TMEM163: variants seen among roughly 807,000 people sequenced by gnomAD.
TMEM163 encodes the protein transmembrane protein 163.
Under a neutral mutation model 29.3 loss-of-function variants are expected in TMEM163, and 17 were observed. The observed-to-expected ratio is 0.58, with a 90% CI of 0.40 to 0.87. TMEM163 has a LOEUF of 0.87. Ranked by LOEUF, TMEM163 falls within the 40% of genes least tolerant of loss-of-function variation. The pLI, the probability that TMEM163 is intolerant of heterozygous loss-of-function variation, is 0.00. For synonymous variants in TMEM163, 157 were observed against 160.6 expected (o/e 0.98, Z 0.17); for missense variants, 303 against 381.5 (o/e 0.79, Z 1.71).
At chr2:134,465,813 A>G (rs938499812) in intron 6 of TMEM163, among the ~76,000 whole-genome samples, 1 of 152,220 alleles carries the variant, frequency 6.6e-6, no homozygotes, top group African/African-American at 2.4e-5. Context: ...ATAAAACCCA[A>G]GACTCCAGGA....
chr2:134,478,810 G>T (rs1389146094), intron 5 of TMEM163, among the ~76,000 whole-genome samples: 12 of 152,128 alleles, frequency 7.9e-5, no homozygotes, highest in African/African-American at 2.9e-4. Flanking sequence ...GGGGAAAAAG[G>T]CCTTGAAGGC....
At chr2:134,528,213 T>G (rs1680338020) in intron 4 of TMEM163, among the ~76,000 whole-genome samples, 1 of 152,222 alleles carries the variant, frequency 6.6e-6, no homozygotes, top group Non-Finnish European at 1.5e-5. Flanking sequence ...ATTCTAGAAG[T>G]TGGGAAATGG....
At chr2:134,560,864 A>T (rs1024250422) in intron 2 of TMEM163, among the ~76,000 whole-genome samples, 1 of 152,218 alleles carries the variant, frequency 6.6e-6, no homozygotes, top group African/African-American at 2.4e-5. Flanking sequence ...GGACATGGGC[A>T]GGATGCCTGC....
At chr2:134,679,295 C>T (rs1684182341) in intron 2 of TMEM163, among the ~76,000 whole-genome samples, 1 of 152,240 alleles carries the variant, frequency 6.6e-6, no homozygotes, top group Admixed American at 6.5e-5. Context: ...GTGTACATGA[C>T]TATACATATA....
intron 5 of TMEM163, among the ~76,000 whole-genome samples, chr2:134,486,053 A>G (rs1203545181): frequency 6.6e-6 from 1 of 152,170 alleles, no homozygotes; most frequent in Admixed American, 6.5e-5. Context: ...CATCAGAGGT[A>G]CTCACATGGC....
intron 5 of TMEM163, among the ~76,000 whole-genome samples, chr2:134,501,695 T>C (rs905523447): frequency 6.6e-6 from 1 of 152,168 alleles, no homozygotes; most frequent in African/African-American, 2.4e-5. Flanking sequence ...GAGAGTCCCA[T>C]ATGCCAGGCA....
At chr2:134,515,784 G>T (rs571706537) in intron 4 of TMEM163, among the ~76,000 whole-genome samples, 7 of 152,206 alleles carry the variant, frequency 4.6e-5, no homozygotes, top group African/African-American at 1.7e-4. Flanking sequence ...TTTTTGGAAG[G>T]AAACACACAC....
chr2:134,544,293 T>C (rs1334292519), intron 4 of TMEM163, among the ~76,000 whole-genome samples: 2 of 152,096 alleles, frequency 1.3e-5, no homozygotes, highest in Non-Finnish European at 2.9e-5. Flanking sequence ...TACACTTATT[T>C]CTCCCCACGC....
chr2:134,652,213 T>C (rs1683496901), intron 2 of TMEM163, among the ~76,000 whole-genome samples: 2 of 84,904 alleles, frequency 2.4e-5, no homozygotes, highest in African/African-American at 5.7e-5. Flanking sequence ...TATCCTCTTT[T>C]ATTTCCTTGA....
intron 2 of TMEM163, among the ~76,000 whole-genome samples, chr2:134,637,344 G>A (rs1022579884): frequency 2.0e-5 from 3 of 152,232 alleles, no homozygotes; most frequent in Non-Finnish European, 4.4e-5. Context: ...ACATGAGTGA[G>A]TGTGGGTGTG....
intron 2 of TMEM163, among the ~76,000 whole-genome samples, chr2:134,575,920 C>T (rs1019624856): frequency 6.6e-6 from 1 of 152,096 alleles, no homozygotes; most frequent in South Asian, 2.1e-4. Flanking sequence ...CCCAACCACA[C>T]AGAGGTGAGC....
At chr2:134,598,158 T>C (rs1016671636) in intron 2 of TMEM163, among the ~76,000 whole-genome samples, 3 of 152,190 alleles carry the variant, frequency 2.0e-5, no homozygotes, top group African/African-American at 7.2e-5. Flanking sequence ...CTCCACTTAC[T>C]TATGTGCCAG....
intron 4 of TMEM163, among the ~76,000 whole-genome samples, chr2:134,505,689 C>G (rs1679807126): frequency 6.6e-6 from 1 of 152,204 alleles, no homozygotes; most frequent in South Asian, 2.1e-4. Context: ...CTGCTTCTTT[C>G]TGACAGGGAA....
At chr2:134,669,846 G>A (rs139101136) in intron 2 of TMEM163, among the ~76,000 whole-genome samples, 32 of 152,254 alleles carry the variant, frequency 2.1e-4, no homozygotes, top group East Asian at 7.7e-4. Context: ...GAAAGACTAC[G>A]AGAAGAGAGA....
At chr2:134,554,136 AAAG>A (rs1039700430) in intron 2 of TMEM163, among the ~76,000 whole-genome samples, 8 of 152,080 alleles carry the variant, frequency 5.3e-5, no homozygotes, top group African/African-American at 1.7e-4. Flanking sequence ...ACAACAGATA[AAAG>A]AAGAGCCAGG....
intron 4 of TMEM163, among the ~76,000 whole-genome samples, chr2:134,512,959 G>T (rs1679981821): frequency 6.6e-6 from 1 of 152,190 alleles, no homozygotes; most frequent in Non-Finnish European, 1.5e-5. Flanking sequence ...GCCAGGTGAG[G>T]ATGTGGCAAA....
At chr2:134,717,315 G>C (rs1038607569) in intron 1 of TMEM163, among the ~76,000 whole-genome samples, 3 of 152,162 alleles carry the variant, frequency 2.0e-5, no homozygotes, top group African/African-American at 7.2e-5. Flanking sequence ...AAAGTGAGAG[G>C]TTTTGTTCCA....
chr2:134,493,362 C>CTTTTTTTTTT lies in TMEM163; in HGVS notation c.555+9529_555+9538dup, dbSNP rs1159013721. Among the ~76,000 whole-genome samples, 48 of 49,844 alleles carry CTTTTTTTTTT rather than the reference C, an allele frequency of 9.6e-4. 10 individuals are homozygous for CTTTTTTTTTT. The highest frequency in any genetic ancestry group is 2.0e-3 in the African/African-American group (23 of 11,232). The allele number at this position is 49,844 out of a possible 152,430, so 32.7% of individuals were successfully genotyped here. A position where few individuals can be genotyped will look rare whatever the true frequency, so the allele number is the denominator to read the frequency against. On this transcript the variant is annotated intron_variant, in intron 5 of 7. Coordinates refer to ENST00000281924, the MANE Select transcript of TMEM163 (RefSeq NM_030923.5). ...GACTTATGGTTCAAGCTTTTGGTGT[C>CTTTTTTTTTT]TTTTTTTTTTTTTTTTTTTTTTTTT...
Position 134,473,920 on chromosome 2 carries a change from C to A in TMEM163, c.556-7695G>T, listed in dbSNP as rs549265844. On this transcript the variant is annotated intron_variant, in intron 5 of 7. Coordinates refer to ENST00000281924, the MANE Select transcript of TMEM163 (RefSeq NM_030923.5). ...GGCCCCAATGCTTTTACTGGCAAAT[C>A]TGCCAAACATTTAATCATTTAAAGG... is the stretch of plus-strand genomic sequence containing the variant. Among the ~76,000 whole-genome samples, 3 of 152,302 alleles carry A rather than the reference C, an allele frequency of 2.0e-5. No homozygotes were observed. In the South Asian group the frequency reaches 6.2e-4, roughly 32 times the overall value.
Sources: allele counts gnomAD v4.1 joint callset (sites outside exome capture counted in the v4.1 genomes callset), GRCh38; gene constraint gnomAD v4.1.1; transcripts MANE v1.5; gene names NCBI Gene and HGNC (gene_info 2026-07-23, HGNC 2026-07-21).